The following CEP152 variants were observed in gnomAD, a reference collection of about 807,000 sequenced individuals.
CEP152 encodes the protein centrosomal protein of 152 kDa.
A neutral mutation model predicts 188.9 loss-of-function variants in CEP152; 132 were observed. The observed-to-expected ratio is 0.70, with a 90% CI of 0.61 to 0.81. The LOEUF (loss-of-function observed/expected upper bound fraction) is 0.81. CEP152 is among the 30% of genes least tolerant of loss of function. The pLI, the probability that CEP152 is intolerant of heterozygous loss-of-function variation, is 0.00. For synonymous variants in CEP152, 649 were observed against 666.6 expected (o/e 0.97, Z 0.41); for missense variants, 1,914 against 1,969.8 (o/e 0.97, Z 0.54).
chr15:48,810,489 A>G (rs1026750448), intron 1 of CEP152: 6 of 152,306 alleles, frequency 3.9e-5, no homozygotes, highest in African/African-American at 1.4e-4. Flanking sequence ...GCTAATACAC[A>G]ATAAGCATCC....
intron 9 of CEP152, among the ~76,000 whole-genome samples, chr15:48,786,053 C>A (rs557679808): frequency 8.6e-5 from 13 of 150,928 alleles, no homozygotes; most frequent in African/African-American, 3.1e-4. Flanking sequence ...AGTCTCTAAG[C>A]CAACAGAAAG....
chr15:48,782,471 C>A (rs546146945), intron 10 of CEP152, among the ~76,000 whole-genome samples: 1 of 152,266 alleles, frequency 6.6e-6, no homozygotes, highest in South Asian at 2.1e-4. Flanking sequence ...GCTACTATGA[C>A]CTTTTTATGA....
intron 18 of CEP152, 68 bp downstream of exon 18, chr15:48,762,323 C>T: frequency 7.3e-7 from 1 of 1,368,902 alleles, no homozygotes; most frequent in Non-Finnish European, 1.0e-6. Context: ...TCAATGATAG[C>T]ATTGTATGGG....
chr15:48,733,907 T>C (rs1161318202), downstream of CEP152, among the ~76,000 whole-genome samples: 1 of 152,096 alleles, frequency 6.6e-6, no homozygotes. Context: ...ATATATCACA[T>C]ACTGTCCTTC....
chr15:48,740,159 T>C (rs1214459816), intron 26 of CEP152, among the ~76,000 whole-genome samples: 3 of 152,248 alleles, frequency 2.0e-5, no homozygotes, highest in South Asian at 4.1e-4. Context: ...TATAAAGCTG[T>C]ATGATCTACA....
intron 21 of CEP152, among the ~76,000 whole-genome samples, chr15:48,750,965 G>A (rs560864910): frequency 1.3e-5 from 2 of 152,080 alleles, no homozygotes; most frequent in African/African-American, 4.8e-5. Context: ...TGGTTGCTAG[G>A]CTTCATAACT....
At chr15:48,766,755 C>G (rs1895138575) in intron 17 of CEP152, among the ~76,000 whole-genome samples, 1 of 149,826 alleles carries the variant, frequency 6.7e-6, no homozygotes, top group African/African-American at 2.5e-5. Context: ...AAATGAGGAT[C>G]TGTGATTTTC....
chr15:48,768,715 T>C lies in CEP152; in HGVS notation c.1908+241A>G, dbSNP rs545460071. On this transcript the variant is annotated intron_variant, in intron 14 of 26. Transcript: ENST00000380950. The stretch of plus-strand genomic sequence containing the variant: ...CAAGAGCTGGCTAAGGAGGAAAGAA[T>C]ACCTCTGTCAGCCATGCTACCATAG... Among the ~76,000 whole-genome samples, 28 of 152,278 alleles carry C rather than the reference T, an allele frequency of 1.8e-4. 1 individual carries two copies. In the South Asian group the frequency reaches 5.0e-3, roughly 27 times the overall value.
At position 48,805,535 on chromosome 15, in the gene CEP152, CTT is replaced by C. The variant is rs372967874; in HGVS notation, c.87+26_87+27del. On this transcript the variant is annotated intron_variant, in intron 2 of 26. Coordinates refer to ENST00000380950, the MANE Select transcript of CEP152 (RefSeq NM_001194998.2). ...TTGTTAAAGATTGGGTTTAGTGTCTCTTTTTTTTTTTTTTTTTAACAACTTAC... is the reference window on the plus strand; with the variant it reads ...TTGTTAAAGATTGGGTTTAGTGTCTCTTTTTTTTTTTTTTTAACAACTTAC... The C allele has an allele frequency of 2.4e-3, 2,886 of 1,220,676 alleles. No homozygotes were observed. Among genetic ancestry groups the C allele is most frequent in the Admixed American group, 2.3e-3 (101 of 43,136 alleles). The allele number at this position is 1,220,676 out of a possible 1,614,324, so 75.6% of individuals were successfully genotyped here.
rs138222515 is a variant in CEP152, at chr15:48,768,088, C to G, written c.2018+131G>C. The G allele has an allele frequency of 1.1e-3, 775 of 683,990 alleles. 2 individuals are homozygous for G. The African/African-American group carries it at 0.013, about 11-fold the overall frequency. The allele number at this position is 683,990 out of a possible 1,614,324, so 42.4% of individuals were successfully genotyped here. Reference sequence around the variant, plus strand: ...AATTTGAGAAGCCAGGGACTCATCTCTGCCAATCCAAGATCTCAACAGGGT... The same window carrying G: ...AATTTGAGAAGCCAGGGACTCATCTGTGCCAATCCAAGATCTCAACAGGGT... On this transcript the variant is annotated intron_variant, in intron 15 of 26. Coordinates refer to ENST00000380950, the MANE Select transcript of CEP152 (RefSeq NM_001194998.2).
chr15:48,787,308 C>A (rs1415741792), intron 9 of CEP152, among the ~76,000 whole-genome samples: 1 of 151,836 alleles, frequency 6.6e-6, no homozygotes, highest in Non-Finnish European at 1.5e-5. Flanking sequence ...GCTGGGACTA[C>A]AGGCGCATGC....
At chr15:48,796,771 T>TC (rs367809326) in intron 5 of CEP152, among the ~76,000 whole-genome samples, 18 of 151,934 alleles carry the variant, frequency 1.2e-4, no homozygotes, top group Admixed American at 9.2e-4. Context: ...TTCATTAAAC[T>TC]CCCCCCCAGG....
rs1467715886 is a variant in CEP152, at chr15:48,793,358, T to C, written c.795A>G (p.Gln265=). The C allele has an allele frequency of 6.2e-7, 1 of 1,614,066 alleles. No homozygotes were observed. Residue 265 remains glutamine, a synonymous_variant, in exon 7 of 27, where the codon CAA becomes CAG. Coordinates refer to ENST00000380950, the MANE Select transcript of CEP152 (RefSeq NM_001194998.2). ...CAAGCTGGTGATTCAGATATCGAATTTGACGTTCACTTTCATTTAACTTTT... is the reference window on the plus strand; with the variant it reads ...CAAGCTGGTGATTCAGATATCGAATCTGACGTTCACTTTCATTTAACTTTT... ...LIEKLNESER[Q]IRYLNHQLVI...
At chr15:48,772,256 T>C (rs1895588463) in intron 13 of CEP152, among the ~76,000 whole-genome samples, 1 of 152,008 alleles carries the variant, frequency 6.6e-6, no homozygotes, top group South Asian at 2.1e-4. Flanking sequence ...ACAAAAAATT[T>C]AAAAATTAGC....
intron 10 of CEP152, among the ~76,000 whole-genome samples, chr15:48,783,601 CTA>C (rs1288130360): frequency 3.9e-5 from 6 of 151,966 alleles, no homozygotes; most frequent in African/African-American, 1.4e-4. Context: ...AGGACATTGT[CTA>C]TGTGTGTACA....
intron 17 of CEP152, among the ~76,000 whole-genome samples, chr15:48,763,819 T>C (rs1163002567): frequency 6.6e-6 from 1 of 152,238 alleles, no homozygotes; most frequent in African/African-American, 2.4e-5. Context: ...ATTTAAGTAA[T>C]AGAGGTAACA....
At chr15:48,761,497 T>G (rs1894686680) in intron 18 of CEP152, among the ~76,000 whole-genome samples, 1 of 152,142 alleles carries the variant, frequency 6.6e-6, no homozygotes, top group African/African-American at 2.4e-5. Context: ...GGTCAAAACT[T>G]TTTCCAAAAT....
intron 2 of CEP152, among the ~76,000 whole-genome samples, chr15:48,798,828 A>G (rs1419411026): frequency 2.0e-5 from 3 of 152,226 alleles, no homozygotes; most frequent in African/African-American, 2.4e-5. Context: ...TGATAAAAAG[A>G]TGAGTAAATA....
At chr15:48,744,848 T>C (rs1395789881) in intron 23 of CEP152, 48 bp downstream of exon 23, 1 of 1,521,804 alleles carries the variant, frequency 6.6e-7, no homozygotes, top group Admixed American at 2.1e-5. Context: ...TAAAGATACT[T>C]GTACTTAGAT....
Sources: allele counts gnomAD v4.1 joint callset (sites outside exome capture counted in the v4.1 genomes callset), GRCh38; gene constraint gnomAD v4.1.1; transcripts MANE v1.5; gene names NCBI Gene and HGNC (gene_info 2026-07-23, HGNC 2026-07-21).